The following SLCO3A1 variants were observed in gnomAD, a reference collection of about 807,000 sequenced individuals.
SLCO3A1 encodes PGE1 transporter.
SLCO3A1 carries 27 observed loss-of-function variants against 63.1 expected under a neutral mutation model. That is an observed-to-expected ratio of 0.43 (90% CI 0.32 to 0.59). The LOEUF (loss-of-function observed/expected upper bound fraction) is 0.59, where lower values mean the gene tolerates loss of function less well. Among genes scored for constraint, SLCO3A1 ranks in the 20% least tolerant of loss-of-function variants. The pLI, the probability that SLCO3A1 is intolerant of heterozygous loss-of-function variation, is 0.09. For synonymous variants in SLCO3A1, 473 were observed against 409.9 expected (o/e 1.15, Z -1.86); for missense variants, 773 against 945.8 (o/e 0.82, Z 2.40).
chr15:91,870,424 T>G (rs1453404565), intron 1 of SLCO3A1, among the ~76,000 whole-genome samples: 2 of 152,250 alleles, frequency 1.3e-5, no homozygotes, highest in Non-Finnish European at 2.9e-5. Flanking sequence ...AGATAATTTA[T>G]TATTGCCTAT....
Position 91,990,446 on chromosome 15 carries a change from G to C in SLCO3A1, c.646+73988G>C, listed in dbSNP as rs1006849874. On this transcript the variant is annotated intron_variant, in intron 2 of 9. Transcript: ENST00000318445. ...CTCAGCACACCTCCCTCTTGACTCT[G>C]ACCATCCTTCTCAGACTCCTGAACT... 2.6e-5 allele frequency among the ~76,000 whole-genome samples: 4 copies of C among 152,106 alleles called. No individual in the cohort carries two copies. The South Asian group carries it at 8.3e-4, about 32-fold the overall frequency.
chr15:92,031,581 G>C (rs1241288472), intron 2 of SLCO3A1, among the ~76,000 whole-genome samples: 1 of 152,170 alleles, frequency 6.6e-6, no homozygotes, highest in Non-Finnish European at 1.5e-5. Context: ...CTGTAGAAGT[G>C]TGGTATGTCT....
chr15:91,973,984 A>T (rs1183643913), intron 2 of SLCO3A1, among the ~76,000 whole-genome samples: 1 of 152,146 alleles, frequency 6.6e-6, no homozygotes, highest in Non-Finnish European at 1.5e-5. Flanking sequence ...ATTCAGTAAG[A>T]TATGACCTGT....
chr15:91,864,411 A>G lies in SLCO3A1; in HGVS notation c.180+10323A>G, dbSNP rs1597068065. On this transcript the variant is annotated intron_variant, in intron 1 of 9. Coordinates refer to ENST00000318445, the MANE Select transcript of SLCO3A1 (RefSeq NM_013272.4). Reference sequence around the variant, plus strand: ...TTTTAATTTTGGGAATAGCAATTATAAACAAGTATAAATAAAAATATTGTT... The same window carrying G: ...TTTTAATTTTGGGAATAGCAATTATGAACAAGTATAAATAAAAATATTGTT... Among the ~76,000 whole-genome samples, 5 of 152,284 alleles carry G rather than the reference A, an allele frequency of 3.3e-5. 1 individual carries two copies. The highest frequency in any genetic ancestry group is 3.3e-4 in the Admixed American group (5 of 15,304).
Position 92,104,539 on chromosome 15 carries a change from A to G in SLCO3A1, c.1006A>G (p.Arg336Gly). Reference sequence around the variant, plus strand: ...CAGTGCCTCCTGTTTCCAGCAGCTGAGAGGTAAAGGTGGCCTCATCTGCCT... The same window carrying G: ...CAGTGCCTCCTGTTTCCAGCAGCTGGGAGGTAAAGGTGGCCTCATCTGCCT... ...DSSASCFQQLRVIPKVTKHLL... is the reference protein window; with the variant it reads ...DSSASCFQQLGVIPKVTKHLL... Residue 336 changes from arginine to glycine, a missense_variant, in exon 4 of 10, where the codon AGA becomes GGA. By Grantham distance (125) the Arg-to-Gly change is moderately radical. Around this residue, in one of 3 missense-constraint regions of SLCO3A1, gnomAD observed 565 missense variants for 749.8 expected, o/e 0.75. Transcript: ENST00000318445. 6.2e-7 allele frequency: 1 copy of G among 1,612,670 alleles called. No individual in the cohort carries two copies. The highest frequency in any genetic ancestry group is 1.1e-5 in the South Asian group (1 of 91,054).
At chr15:91,907,714 C>T (rs375401099) in intron 1 of SLCO3A1, among the ~76,000 whole-genome samples, 6 of 150,338 alleles carry the variant, frequency 4.0e-5, no homozygotes, top group African/African-American at 7.4e-5. Context: ...TTAGTAGAGA[C>T]GGGGTTTCAC....
chr15:92,073,064 G>A (rs930785901), intron 2 of SLCO3A1, among the ~76,000 whole-genome samples: 6 of 152,044 alleles, frequency 3.9e-5, no homozygotes, highest in Non-Finnish European at 5.9e-5. Context: ...TCCTTTGCCC[G>A]GTAAGCCATG....
At chr15:92,030,446 T>C (rs2046632633) in intron 2 of SLCO3A1, among the ~76,000 whole-genome samples, 1 of 152,212 alleles carries the variant, frequency 6.6e-6, no homozygotes, top group Non-Finnish European at 1.5e-5. Flanking sequence ...TATTTCGTGC[T>C]AGAGCCGCAG....
intron 2 of SLCO3A1, among the ~76,000 whole-genome samples, chr15:91,947,753 G>T (rs930647400): frequency 1.3e-5 from 2 of 152,200 alleles, no homozygotes; most frequent in Non-Finnish European, 2.9e-5. Flanking sequence ...GACGGGGCAG[G>T]TTGCTCCGAT....
chr15:92,156,578 G>C (rs754255026), intron 9 of SLCO3A1, among the ~76,000 whole-genome samples: 1 of 152,226 alleles, frequency 6.6e-6, no homozygotes, highest in Non-Finnish European at 1.5e-5. Context: ...AGCTCCTGCA[G>C]ACTCTCCAGT....
chr15:92,160,743 A>T (rs1372474459), intron 9 of SLCO3A1, among the ~76,000 whole-genome samples: 1 of 152,090 alleles, frequency 6.6e-6, no homozygotes. Flanking sequence ...ATTAGCACTC[A>T]TAGGGTAGCA....
intron 1 of SLCO3A1, among the ~76,000 whole-genome samples, chr15:91,906,010 A>C (rs1251038035): frequency 6.6e-6 from 1 of 152,184 alleles, no homozygotes; most frequent in African/African-American, 2.4e-5. Flanking sequence ...GTTGGGCGTC[A>C]ATCCTGGCTC....
intron 1 of SLCO3A1, among the ~76,000 whole-genome samples, chr15:91,896,131 A>T (rs1421494562): frequency 6.6e-6 from 1 of 152,216 alleles, no homozygotes; most frequent in East Asian, 1.9e-4. Context: ...GGCATGGTTT[A>T]AGAGTCCTTA....
intron 2 of SLCO3A1, among the ~76,000 whole-genome samples, chr15:92,066,983 G>A (rs1027723798): frequency 2.6e-5 from 4 of 152,212 alleles, no homozygotes; most frequent in African/African-American, 7.2e-5. Context: ...TGCAGTCCCA[G>A]GGTGTCTCAG....
At chr15:91,857,658 A>G (rs540902999) in intron 1 of SLCO3A1, among the ~76,000 whole-genome samples, 1 of 152,240 alleles carries the variant, frequency 6.6e-6, no homozygotes, top group East Asian at 1.9e-4. Context: ...GTGTGTGCCT[A>G]TTGGTGTTTT....
intron 4 of SLCO3A1, among the ~76,000 whole-genome samples, chr15:92,105,815 C>T (rs1361053404): frequency 6.6e-6 from 1 of 152,222 alleles, no homozygotes; most frequent in Non-Finnish European, 1.5e-5. Context: ...CTCAGCCGGG[C>T]CAGCCTTCCA....
chr15:92,081,943 C>G (rs1360540481), intron 2 of SLCO3A1, among the ~76,000 whole-genome samples: 1 of 152,186 alleles, frequency 6.6e-6, no homozygotes, highest in African/African-American at 2.4e-5. Context: ...TCAACAGGTG[C>G]AGTAATGTGG....
At chr15:91,976,937 G>A (rs753400524) in intron 2 of SLCO3A1, among the ~76,000 whole-genome samples, 16 of 152,128 alleles carry the variant, frequency 1.1e-4, no homozygotes, top group Non-Finnish European at 2.2e-4. Flanking sequence ...TGCTACTGAA[G>A]TTTCAGGCAC....
chr15:92,013,734 G>C (rs931717225), intron 2 of SLCO3A1, among the ~76,000 whole-genome samples: 28 of 152,184 alleles, frequency 1.8e-4, no homozygotes, highest in Admixed American at 8.5e-4. Flanking sequence ...CCCTTTAGAG[G>C]TCCTGCTGGC....
Sources: allele counts gnomAD v4.1 joint callset (sites outside exome capture counted in the v4.1 genomes callset), GRCh38; gene constraint gnomAD v4.1.1; regional missense constraint gnomAD v4.1.1; transcripts MANE v1.5; gene names NCBI Gene and HGNC (gene_info 2026-07-23, HGNC 2026-07-21).